Variants in CNTLN observed in about 807,000 individuals in gnomAD.
CNTLN encodes the protein centlein.
In CNTLN, 212 loss-of-function variants were observed where a neutral mutation model predicts 180.0. The observed-to-expected ratio is 1.18, with a 90% CI of 1.05 to 1.32. The LOEUF is 1.32. Ranked by LOEUF, CNTLN falls within the 40% of genes most tolerant of loss-of-function variation. CNTLN has a pLI of 0.00. For synonymous variants in CNTLN, 722 were observed against 563.1 expected (o/e 1.28, Z -3.99); for missense variants, 2,095 against 1,610.9 (o/e 1.30, Z -5.14).
intron 13 of CNTLN, among the ~76,000 whole-genome samples, chr9:17,369,142 C>G (rs1243076270): frequency 2.0e-5 from 3 of 152,076 alleles, no homozygotes; most frequent in African/African-American, 7.2e-5. Context: ...TCCCATGCTG[C>G]TCTCATGATA....
intron 10 of CNTLN, among the ~76,000 whole-genome samples, chr9:17,335,432 G>T (rs1043870468): frequency 6.6e-6 from 1 of 152,122 alleles, no homozygotes; most frequent in African/African-American, 2.4e-5. Flanking sequence ...CAGGAGAATT[G>T]CTTGAACCTA....
At chr9:17,422,480 A>G (rs1454927729) in intron 18 of CNTLN, among the ~76,000 whole-genome samples, 1 of 152,164 alleles carries the variant, frequency 6.6e-6, no homozygotes, top group Non-Finnish European at 1.5e-5. Context: ...TCCTTGATCA[A>G]GTCTGCTGTT....
intron 5 of CNTLN, among the ~76,000 whole-genome samples, chr9:17,258,933 G>T (rs1359207068): frequency 3.3e-5 from 5 of 149,694 alleles, no homozygotes; most frequent in Non-Finnish European, 5.9e-5. Flanking sequence ...GGGACAATTT[G>T]ACTTCCTCTT....
rs754209915 is a variant in CNTLN at position 17,236,573 on chromosome 9, T to A, written c.834T>A (p.Thr278=). The change falls in exon 5 of 26, where the codon ACT becomes ACA. Residue 278 remains threonine (T), a synonymous_variant. Coordinates refer to ENST00000380647, the MANE Select transcript of CNTLN (RefSeq NM_017738.4). ...ATTTGAGAAAAGAAAAATATAGCAC[T>A]GATGCAAAAATAAAGGTATACAATA... ...EAHLRKEKYS[T]DAKIKTFEDN... The A allele has an allele frequency of 6.2e-7, 1 of 1,605,786 alleles. No individual in the cohort carries two copies. The highest frequency in any genetic ancestry group is 8.5e-7 in the Non-Finnish European group (1 of 1,177,316).
In CNTLN at chr9:17,392,157, C is replaced by T. The variant is rs1587864878; in HGVS notation, c.2080-2377C>T. Among the ~76,000 whole-genome samples, 5 of 152,220 alleles carry T rather than the reference C, an allele frequency of 3.3e-5. No individual in the cohort carries two copies. In the South Asian group the frequency reaches 1.0e-3, roughly 32 times the overall value. ...TGGTGCATGCCTCTGGTCCTAGCTC[C>T]TTGGGAGGCTAAGGTGGGAGGATCA... is the stretch of plus-strand genomic sequence containing the variant. On this transcript the variant is annotated intron_variant, in intron 14 of 25. Transcript: ENST00000380647.
chr9:17,519,875 G>C, the CNTLN span, among the ~76,000 whole-genome samples: 6 of 152,182 alleles, frequency 3.9e-5, no homozygotes, highest in Non-Finnish European at 7.3e-5. Context: ...TTAACAAACA[G>C]GACATAAAGC....
intron 6 of CNTLN, among the ~76,000 whole-genome samples, chr9:17,287,924 G>T (rs1456719426): frequency 3.3e-4 from 46 of 139,686 alleles, no homozygotes; most frequent in African/African-American, 1.1e-3. Flanking sequence ...CTTGCTAGTG[G>T]TCTATCAATT....
At chr9:17,256,003 G>A (rs1489948136) in intron 5 of CNTLN, among the ~76,000 whole-genome samples, 1 of 151,832 alleles carries the variant, frequency 6.6e-6, no homozygotes, top group African/African-American at 2.4e-5. Context: ...GAATACAGTT[G>A]TTCTTAGTAT....
chr9:17,337,430 C>T (rs1240940075), intron 10 of CNTLN, among the ~76,000 whole-genome samples: 3 of 152,198 alleles, frequency 2.0e-5, no homozygotes, highest in African/African-American at 4.8e-5. Context: ...ACTATTTTTT[C>T]TGTAATTAAT....
intron 2 of CNTLN, among the ~76,000 whole-genome samples, chr9:17,187,848 T>A (rs761450235): frequency 3.3e-5 from 5 of 151,578 alleles, no homozygotes; most frequent in Non-Finnish European, 5.9e-5. Flanking sequence ...CTATGTAATA[T>A]GTAACCAGAA....
intron 2 of CNTLN, among the ~76,000 whole-genome samples, chr9:17,185,341 G>A (rs1243466117): frequency 1.3e-5 from 2 of 152,138 alleles, no homozygotes; most frequent in African/African-American, 4.8e-5. Flanking sequence ...CCAGAAACTG[G>A]ATGGCTCCAA....
intron 13 of CNTLN, among the ~76,000 whole-genome samples, chr9:17,369,077 T>C (rs556797586): frequency 1.3e-5 from 2 of 152,272 alleles, no homozygotes; most frequent in Admixed American, 1.3e-4. Context: ...CCCCATAATC[T>C]CCACGTGTCA....
At chr9:17,347,846 T>G (rs902573461) in intron 12 of CNTLN, among the ~76,000 whole-genome samples, 2 of 152,084 alleles carry the variant, frequency 1.3e-5, no homozygotes, top group Non-Finnish European at 2.9e-5. Flanking sequence ...TATATATATT[T>G]TTTGAGACAG....
At chr9:17,338,138 T>C (rs554233662) in intron 10 of CNTLN, among the ~76,000 whole-genome samples, 10 of 149,676 alleles carry the variant, frequency 6.7e-5, no homozygotes, top group Admixed American at 1.3e-4. Context: ...CCTTCCTTCC[T>C]TCCTTCCTTC....
At chr9:17,387,677 C>T (rs1442518) in intron 13 of CNTLN, among the ~76,000 whole-genome samples, 124,150 of 151,926 alleles carry the variant, frequency 0.82, 51,216 homozygotes, top group Non-Finnish European at 0.87. Context: ...GTGCATGATC[C>T]TTCACTTGAA....
At chr9:17,178,242 C>G (rs1820859248) in intron 2 of CNTLN, among the ~76,000 whole-genome samples, 1 of 152,222 alleles carries the variant, frequency 6.6e-6, no homozygotes, top group Non-Finnish European at 1.5e-5. Context: ...GGTATGTTTA[C>G]AAACCTTGAG....
intron 8 of CNTLN, among the ~76,000 whole-genome samples, chr9:17,312,364 T>TATATAATATATATATATATATATA (rs369729227): frequency 5.0e-5 from 1 of 20,186 alleles, no homozygotes; most frequent in African/African-American, 1.1e-4. Context: ...TATATATATA[T>TATATAATATATATATATATATATA]TATATATATA....
At chr9:17,388,638 A>T (rs143083422) in intron 14 of CNTLN, among the ~76,000 whole-genome samples, 34 of 152,118 alleles carry the variant, frequency 2.2e-4, no homozygotes, top group Non-Finnish European at 3.5e-4. Flanking sequence ...TACTGAGCAT[A>T]GTTATAGTTT....
At chr9:17,322,767 A>AT (rs200506093) in intron 8 of CNTLN, among the ~76,000 whole-genome samples, 1,886 of 152,296 alleles carry the variant, frequency 0.012, 41 homozygotes, top group African/African-American at 0.043. Context: ...AGTAAAGAGT[A>AT]TTTTTTGTTA....
Sources: allele counts gnomAD v4.1 joint callset (sites outside exome capture counted in the v4.1 genomes callset), GRCh38; gene constraint gnomAD v4.1.1; transcripts MANE v1.5; gene names NCBI Gene and HGNC (gene_info 2026-07-23, HGNC 2026-07-21).